ADCY8: variants seen among roughly 807,000 people sequenced by gnomAD.
The protein encoded by ADCY8 is adenylate cyclase type 8.
ADCY8 carries 51 observed loss-of-function variants against 119.7 expected under a neutral mutation model. The ratio of observed to expected loss-of-function variants is 0.43; its 90% CI spans 0.34 to 0.54. The LOEUF (loss-of-function observed/expected upper bound fraction) is 0.54, where lower values mean the gene tolerates loss of function less well. Ranked by LOEUF, ADCY8 falls within the 20% of genes least tolerant of loss-of-function variation. ADCY8 has a pLI of 0.03. For synonymous variants in ADCY8, 665 were observed against 651.0 expected (o/e 1.02, Z -0.33); for missense variants, 1,383 against 1,598.8 (o/e 0.87, Z 2.30).
chr8:130,798,630 C>T (rs559237791), intron 15 of ADCY8, among the ~76,000 whole-genome samples: 103 of 152,254 alleles, frequency 6.8e-4, no homozygotes, highest in African/African-American at 2.3e-3. Flanking sequence ...AATTCTCCTG[C>T]CTTTGGTGAT....
At chr8:130,967,788 T>G (rs1313075366) in intron 2 of ADCY8, among the ~76,000 whole-genome samples, 6 of 152,166 alleles carry the variant, frequency 3.9e-5, no homozygotes, top group Admixed American at 2.6e-4. Flanking sequence ...ACTGGGAACT[T>G]TGGGACAAAG....
At chr8:130,903,271 C>G (rs917865989) in intron 7 of ADCY8, among the ~76,000 whole-genome samples, 4 of 152,030 alleles carry the variant, frequency 2.6e-5, no homozygotes, top group Admixed American at 2.0e-4. Flanking sequence ...GCATGCTCCT[C>G]CTGAACTCCC....
rs566177303 is a variant in ADCY8 at position 130,861,817 on chromosome 8, G to A, written c.2210+6029C>T. 7.1e-4 allele frequency among the ~76,000 whole-genome samples: 106 copies of A among 149,962 alleles called. 1 individual carries two copies. The highest frequency in any genetic ancestry group is 2.5e-3 in the African/African-American group (104 of 40,908). On this transcript the variant is annotated intron_variant, in intron 9 of 17. Coordinates refer to ENST00000286355, the MANE Select transcript of ADCY8 (RefSeq NM_001115.3). ...GATGTTATCTATAGCTTTTTTTTTT[G>A]GGAGATATTCTTTATCAAGTTGTAG...
At chr8:130,942,467 G>A (rs553883393) in intron 4 of ADCY8, among the ~76,000 whole-genome samples, 2 of 152,318 alleles carry the variant, frequency 1.3e-5, no homozygotes, top group African/African-American at 2.4e-5. Context: ...TCCAGGAAGG[G>A]AGGAGGTGTG....
At chr8:130,917,573 C>G (rs1450034916) in intron 5 of ADCY8, among the ~76,000 whole-genome samples, 1 of 152,170 alleles carries the variant, frequency 6.6e-6, no homozygotes, top group Non-Finnish European at 1.5e-5. Flanking sequence ...GTTGCTGACC[C>G]TTCCTGCCCT....
Position 130,884,082 on chromosome 8 carries a change from ACT to A in ADCY8, c.2109+480_2109+481del, listed in dbSNP as rs1818885745. On this transcript the variant is annotated intron_variant, in intron 8 of 17. Transcript: ENST00000286355. ...CTTTCTACTATGCCTAGGTCAGAAG[ACT>A]CTGAGGCAGCAGACAACTGGGGAAA... Among the ~76,000 whole-genome samples, 3 of 152,228 alleles carry A rather than the reference ACT, an allele frequency of 2.0e-5. No individual in the cohort carries two copies. In the South Asian group the frequency reaches 6.2e-4, roughly 32 times the overall value.
intron 9 of ADCY8, among the ~76,000 whole-genome samples, chr8:130,862,732 TC>T (rs1817981729): frequency 6.6e-6 from 1 of 152,200 alleles, no homozygotes; most frequent in African/African-American, 2.4e-5. Context: ...TTTAAATGTC[TC>T]TTGAAATCTT....
chr8:130,870,292 A>G lies in ADCY8; in HGVS notation c.2110-2346T>C, dbSNP rs147814252. Among the ~76,000 whole-genome samples, 1,148 of 152,152 alleles carry G rather than the reference A, an allele frequency of 7.5e-3. 6 individuals are homozygous for G. Among genetic ancestry groups the G allele is most frequent in the Non-Finnish European group, 0.011 (726 of 67,986 alleles). ...CTCCTAAAGTGCTGGGATTACAGGC[A>G]TGAGTCACCGTGCCTGGCTCTTTTC... On this transcript the variant is annotated intron_variant, in intron 8 of 17. Transcript: ENST00000286355.
chr8:131,017,333 G>T (rs1249108837), intron 1 of ADCY8, among the ~76,000 whole-genome samples: 1 of 152,064 alleles, frequency 6.6e-6, no homozygotes, highest in East Asian at 1.9e-4. Flanking sequence ...GTCTCCTAAA[G>T]TGCTGGGATG....
intron 5 of ADCY8, among the ~76,000 whole-genome samples, chr8:130,911,751 A>T (rs2130556440): frequency 6.7e-6 from 1 of 150,282 alleles, no homozygotes; most frequent in Admixed American, 6.6e-5. Context: ...TTTTAAACAT[A>T]TGAATATAAT....
intron 1 of ADCY8, among the ~76,000 whole-genome samples, chr8:131,038,311 C>T (rs536018869): frequency 3.9e-5 from 6 of 152,238 alleles, no homozygotes; most frequent in African/African-American, 1.2e-4. Context: ...AACGACAGAG[C>T]AGGCCCATAC....
chr8:130,802,591 C>T (rs1586427991), intron 14 of ADCY8, among the ~76,000 whole-genome samples: 1 of 152,318 alleles, frequency 6.6e-6, no homozygotes, highest in East Asian at 1.9e-4. Context: ...GCCCCTGCCT[C>T]CACCTATCTC....
chr8:130,808,140 T>C (rs956670967), intron 14 of ADCY8, among the ~76,000 whole-genome samples: 1 of 152,106 alleles, frequency 6.6e-6, no homozygotes, highest in Non-Finnish European at 1.5e-5. Context: ...AATTCATCAT[T>C]CTCTGACACT....
intron 9 of ADCY8, among the ~76,000 whole-genome samples, chr8:130,860,376 C>G (rs1817886752): frequency 6.6e-6 from 1 of 152,162 alleles, no homozygotes; most frequent in Admixed American, 6.6e-5. Flanking sequence ...CAAACAGTGT[C>G]TTCCACAGAT....
At chr8:130,862,953 C>T (rs868315359) in intron 9 of ADCY8, among the ~76,000 whole-genome samples, 7 of 152,298 alleles carry the variant, frequency 4.6e-5, no homozygotes, top group Middle Eastern at 6.8e-3. Flanking sequence ...TGAGAAGAAT[C>T]TGTATTCTTC....
At chr8:130,957,913 A>C (rs990489788) in intron 2 of ADCY8, among the ~76,000 whole-genome samples, 8 of 152,260 alleles carry the variant, frequency 5.3e-5, no homozygotes, top group African/African-American at 1.9e-4. Flanking sequence ...ATGCTCAGAC[A>C]GAAGTTTGTT....
chr8:130,978,285 C>T (rs1025753925), intron 2 of ADCY8, among the ~76,000 whole-genome samples: 2 of 152,126 alleles, frequency 1.3e-5, no homozygotes, highest in Admixed American at 1.3e-4. Flanking sequence ...ATACAAAAGA[C>T]ATGGCTCCCA....
rs879105535 is a variant in ADCY8, at chr8:131,039,872, G to A, written c.462C>T (p.Phe154=). ...NGGYSYRGVI[F]PTLRNSFKSR... is the part of the protein sequence containing the mutation. ...ATTTGAAGGAGTTGCGCAGGGTGGG[G>A]AAAATGACCCCTCGGTAGCTATAGC... Residue 154 remains phenylalanine, a synonymous_variant, in exon 1 of 18, where the codon TTC becomes TTT. Coordinates refer to ENST00000286355, the MANE Select transcript of ADCY8 (RefSeq NM_001115.3). The A allele has an allele frequency of 6.2e-7, 1 of 1,614,066 alleles. No homozygotes were observed. Among genetic ancestry groups the A allele is most frequent in the South Asian group, 1.1e-5 (1 of 91,074 alleles).
intron 2 of ADCY8, among the ~76,000 whole-genome samples, chr8:130,968,821 A>G (rs1821841256): frequency 6.6e-6 from 1 of 152,224 alleles, no homozygotes; most frequent in Non-Finnish European, 1.5e-5. Flanking sequence ...TATTTAGTCA[A>G]ATGTGAGGAA....
Sources: allele counts gnomAD v4.1 joint callset (sites outside exome capture counted in the v4.1 genomes callset), GRCh38; gene constraint gnomAD v4.1.1; transcripts MANE v1.5; gene names NCBI Gene and HGNC (gene_info 2026-07-23, HGNC 2026-07-21).